TCTN3: variants seen among roughly 807,000 people sequenced by gnomAD.
TCTN3 encodes tectonic family member 3, also known as tectonic-3.
In TCTN3, 57 loss-of-function variants were observed where a neutral mutation model predicts 71.3. That is an observed-to-expected ratio of 0.80 (90% confidence interval 0.65 to 1.00). The LOEUF (loss-of-function observed/expected upper bound fraction) is 1.00. TCTN3 is among the 50% of genes least tolerant of loss of function. TCTN3 has a pLI of 0.00. For missense variants in TCTN3, 696 were observed against 719.9 expected, an observed-to-expected ratio of 0.97 and a Z score of 0.38; for synonymous variants, 258 against 267.8, an observed-to-expected ratio of 0.96 and a Z score of 0.36.
intron 13 of TCTN3, among the ~76,000 whole-genome samples, chr10:95,670,061 CAAA>C (rs34609339): frequency 0.1 from 8,393 of 80,658 alleles, 221 homozygotes; most frequent in Non-Finnish European, 0.15. Context: ...GACTCCGTCT[CAAA>C]AAAAAAAAAA....
intron 13 of TCTN3, 77 bp downstream of exon 13, chr10:95,680,395 T>C (rs1238055620): frequency 2.0e-5 from 30 of 1,493,112 alleles, no homozygotes; most frequent in South Asian, 1.2e-4. Context: ...AGGTAAAAAA[T>C]TATTTGGTTA....
rs181356367 is a variant in TCTN3 at position 95,679,540 on chromosome 10, T to A, written c.1590+932A>T. On this transcript the variant is annotated intron_variant, in intron 13 of 13. Transcript: ENST00000371217. ...TTCATTATAAGTTACTAAATTGGCA[T>A]GCCAGTTTATATGTGAATAATTTCA... Among the ~76,000 whole-genome samples, 288 of 151,972 alleles carry A rather than the reference T, an allele frequency of 1.9e-3. 5 individuals carry two copies. The highest frequency in any genetic ancestry group is 6.5e-3 in the African/African-American group (268 of 41,504).
intron 10 of TCTN3, 162 bp downstream of exon 10, chr10:95,683,360 G>C (rs577647958): frequency 6.0e-6 from 9 of 1,507,430 alleles, no homozygotes; most frequent in East Asian, 2.5e-5. Context: ...ACCACAGAGA[G>C]ACAACTAGAT....
At chr10:95,686,226 T>G (rs2097948126) in intron 7 of TCTN3, among the ~76,000 whole-genome samples, 2 of 152,162 alleles carry the variant, frequency 1.3e-5, no homozygotes, top group African/African-American at 4.8e-5. Flanking sequence ...AGACCCTGTC[T>G]CTCAAAAAAA....
At position 95,675,078 on chromosome 10, in the gene TCTN3, A is replaced by C. The variant is rs530563205; in HGVS notation, c.1590+5394T>G. Among the ~76,000 whole-genome samples, 34 of 152,268 alleles carry C rather than the reference A, an allele frequency of 2.2e-4. No homozygotes were observed. In the East Asian group the frequency reaches 6.2e-3, roughly 28 times the overall value. ...TGGTTAAATGTCATGTATCAGGGAGAGATTTCAAGTGGTTATATGTTTTAT... is the reference window on the plus strand; with the variant it reads ...TGGTTAAATGTCATGTATCAGGGAGCGATTTCAAGTGGTTATATGTTTTAT... On this transcript the variant is annotated intron_variant, in intron 13 of 13. Transcript: ENST00000371217.
chr10:95,669,372 G>A (rs960070983), intron 13 of TCTN3, among the ~76,000 whole-genome samples: 2 of 152,204 alleles, frequency 1.3e-5, no homozygotes, highest in African/African-American at 4.8e-5. Context: ...ATCACATAGT[G>A]TATGAATTTA....
At chr10:95,677,483 G>T (rs55811652) in intron 13 of TCTN3, among the ~76,000 whole-genome samples, 27,708 of 58,436 alleles carry the variant, frequency 0.47, 5,127 homozygotes, top group East Asian at 0.64. Context: ...AGTTTTTTTT[G>T]TTTTTTTTTT....
chr10:95,693,774 C>G lies in TCTN3; in HGVS notation c.126G>C (p.Thr42=), dbSNP rs1382824645. 1 of 1,551,632 alleles carries G rather than the reference C, an allele frequency of 6.4e-7. No individual in the cohort carries two copies. Among genetic ancestry groups the G allele is most frequent in the Non-Finnish European group, 8.7e-7 (1 of 1,146,974 alleles). The part of the protein sequence containing the change: ...VPTSLELQRG[T]DGGTLQSPSE... ...AAGGGGACTGGAGGGTTCCGCCATC[C>G]GTCCCTCGCTGCAGCTCCAAAGACG... Residue 42 remains threonine (T), a synonymous_variant, in exon 1 of 14, where the codon ACG becomes ACC. Coordinates refer to ENST00000371217, the MANE Select transcript of TCTN3 (RefSeq NM_015631.6).
chr10:95,664,015 C>G lies in TCTN3; in HGVS notation c.*52G>C, dbSNP rs962564055. 5.9e-6 allele frequency: 9 copies of G among 1,517,484 alleles called. No individual in the cohort carries two copies. The highest frequency in any genetic ancestry group is 1.7e-4 in the Middle Eastern group (1 of 5,862). 94.0% of individuals were successfully genotyped at this position (1,517,484 alleles called of 1,614,324 possible). On this transcript the variant is annotated 3_prime_UTR_variant, in exon 14 of 14. Transcript: ENST00000371217. ...GGTTCTATTTAGCCAAGATAAGTGG[C>G]TGCCTCAGAGTTTCTCATAGGGAAA...
intron 10 of TCTN3, 140 bp downstream of exon 10, chr10:95,683,382 T>C (rs1351793879): frequency 2.0e-6 from 3 of 1,516,402 alleles, no homozygotes; most frequent in Non-Finnish European, 2.7e-6. Context: ...CCAAAAATGA[T>C]TAACCATATA....
intron 9 of TCTN3, 37 bp downstream of exon 9, chr10:95,684,462 T>C (rs2097946265): frequency 6.3e-7 from 1 of 1,592,306 alleles, no homozygotes; most frequent in African/African-American, 1.4e-5. Flanking sequence ...CCAATATTTC[T>C]TCCCCTCTAA....
intron 13 of TCTN3, among the ~76,000 whole-genome samples, chr10:95,678,903 G>GA (rs1247009535): frequency 2.0e-5 from 3 of 152,134 alleles, no homozygotes; most frequent in Non-Finnish European, 4.4e-5. Flanking sequence ...CCCATAAAGT[G>GA]AAAATTTTTA....
intron 13 of TCTN3, among the ~76,000 whole-genome samples, chr10:95,666,231 A>G (rs375757936): frequency 1.1e-4 from 16 of 143,976 alleles, no homozygotes; most frequent in Admixed American, 4.2e-4. Flanking sequence ...GTGAGCCACC[A>G]TGCCCAGCCT....
Position 95,693,403 on chromosome 10 carries a change from A to AT in TCTN3, c.329dup (p.Tyr110Ter). 6.4e-7 allele frequency: 1 copy of AT among 1,551,980 alleles called. No individual in the cohort carries two copies. The highest frequency in any genetic ancestry group is 8.7e-7 in the Non-Finnish European group (1 of 1,147,046). Residue 110 changes from tyrosine (Y) to a stop codon, truncating the protein, a stop_gained and frameshift_variant, in exon 2 of 14, where the codon TAT becomes TAAT. Transcript: ENST00000371217. LOFTEE classifies it high-confidence loss of function. ...DINCCCDRDCYLLHPRTVFSF... is the reference protein window; with the variant it reads ...DINCCCDRDC ...AGAAAACTGTCCTCGGATGGAGAAG[A>AT]TAGCAGTCCCTGTCGCAGCAGCAAT...
Position 95,687,512 on chromosome 10 carries a change from G to C in TCTN3, c.627+80C>G, listed in dbSNP as rs1304141086. 5.0e-6 allele frequency: 8 copies of C among 1,585,894 alleles called. No homozygotes were observed. The East Asian group carries it at 1.6e-4, about 31-fold the overall frequency. On this transcript the variant is annotated intron_variant, in intron 4 of 13. Coordinates refer to ENST00000371217, the MANE Select transcript of TCTN3 (RefSeq NM_015631.6). ...ATGGTTTAGCTAGCTGCAGGGTAGT[G>C]CTGCAAAGTTACCTTGTCAGCTGTC...
chr10:95,668,452 T>G (rs1209133871), intron 13 of TCTN3, among the ~76,000 whole-genome samples: 1 of 152,142 alleles, frequency 6.6e-6, no homozygotes, highest in Admixed American at 6.5e-5. Flanking sequence ...AAATGGCTTC[T>G]GAACAGCAAT....
chr10:95,689,859 G>A (rs181472969), intron 3 of TCTN3, among the ~76,000 whole-genome samples: 1 of 152,314 alleles, frequency 6.6e-6, no homozygotes, highest in Admixed American at 6.5e-5. Flanking sequence ...AAAAGCCAGA[G>A]GGCCAGCTTG....
chr10:95,674,837 A>ATGAG (rs2097935334), intron 13 of TCTN3, among the ~76,000 whole-genome samples: 1 of 152,106 alleles, frequency 6.6e-6, no homozygotes, highest in African/African-American at 2.4e-5. Flanking sequence ...GAATGAATGA[A>ATGAG]TGAATGAATG....
rs2097946821 is a variant in TCTN3 at position 95,684,934 on chromosome 10, G to C, written c.970-310C>G. Among the ~76,000 whole-genome samples the C allele has an allele frequency of 4.6e-5, 7 of 152,294 alleles. No individual in the cohort carries two copies. In the South Asian group the frequency reaches 1.4e-3, roughly 32 times the overall value. On this transcript the variant is annotated intron_variant, in intron 8 of 13. Coordinates refer to ENST00000371217, the MANE Select transcript of TCTN3 (RefSeq NM_015631.6). ...AGGGCAAGTAGAAACAGGCAGAGGT[G>C]AGCATGGAACAGAAATCTGGTTTAC...
Sources: allele counts gnomAD v4.1 joint callset (sites outside exome capture counted in the v4.1 genomes callset), GRCh38; gene constraint gnomAD v4.1.1; transcripts MANE v1.5; gene names NCBI Gene and HGNC (gene_info 2026-07-23, HGNC 2026-07-21).